Variants in ST6GALNAC3 observed in about 807,000 individuals in gnomAD.
ST6GALNAC3 encodes the protein alpha-N-acetylgalactosaminide alpha-2,6-sialyltransferase 3.
A neutral mutation model predicts 32.7 loss-of-function variants in ST6GALNAC3; 25 were observed. That is an observed-to-expected ratio of 0.76 (90% confidence interval 0.56 to 1.07). The LOEUF is 1.07. Ranked by LOEUF, ST6GALNAC3 falls within the 50% of genes least tolerant of loss-of-function variation. The probability of loss-of-function intolerance (pLI) is 0.00; values close to 1 mark genes in which losing one functional copy is unlikely to be tolerated. For missense variants in ST6GALNAC3, 355 were observed against 382.4 expected (o/e 0.93, Z 0.60); for synonymous variants, 129 against 133.1 (o/e 0.97, Z 0.21).
At chr1:76,516,984 C>A (rs1318962619) in intron 3 of ST6GALNAC3, among the ~76,000 whole-genome samples, 1 of 151,776 alleles carries the variant, frequency 6.6e-6, no homozygotes, top group Non-Finnish European at 1.5e-5. Context: ...AAAATTTTTT[C>A]TAAGTCCTTT....
At chr1:76,154,330 C>T (rs1426807352) in intron 1 of ST6GALNAC3, among the ~76,000 whole-genome samples, 2 of 152,158 alleles carry the variant, frequency 1.3e-5, no homozygotes, top group African/African-American at 4.8e-5. Flanking sequence ...ACTCTTAAAG[C>T]AATCGTACTG....
Position 76,225,569 on chromosome 1 carries a change from G to T in ST6GALNAC3, c.19-88236G>T, listed in dbSNP as rs184125219. Among the ~76,000 whole-genome samples the T allele has an allele frequency of 2.0e-5, 3 of 152,240 alleles. No homozygotes were observed. The East Asian group carries it at 5.8e-4, about 29-fold the overall frequency. ...GGCCACCAAAGGGAACGTTTTCTGTGTTACTGTTTATTCAGGAGCTGGCTT... is the reference window on the plus strand; with the variant it reads ...GGCCACCAAAGGGAACGTTTTCTGTTTTACTGTTTATTCAGGAGCTGGCTT... On this transcript the variant is annotated intron_variant, in intron 1 of 4. Coordinates refer to ENST00000328299, the MANE Select transcript of ST6GALNAC3 (RefSeq NM_152996.4).
intron 1 of ST6GALNAC3, among the ~76,000 whole-genome samples, chr1:76,262,734 T>C (rs767424506): frequency 5.9e-5 from 9 of 152,134 alleles, no homozygotes; most frequent in Non-Finnish European, 1.2e-4. Flanking sequence ...TAGACCTTCA[T>C]CCAATCACTT....
chr1:76,085,415 GCCT>G (rs1457684732), intron 1 of ST6GALNAC3, among the ~76,000 whole-genome samples: 1 of 152,194 alleles, frequency 6.6e-6, no homozygotes, highest in East Asian at 1.9e-4. Context: ...CAGGCCTCAT[GCCT>G]CACACTCTGA....
chr1:76,512,705 C>T (rs962697746), intron 3 of ST6GALNAC3, among the ~76,000 whole-genome samples: 1 of 152,102 alleles, frequency 6.6e-6, no homozygotes, highest in African/African-American at 2.4e-5. Context: ...GTTGACCAGC[C>T]TCTCTCTATC....
intron 2 of ST6GALNAC3, among the ~76,000 whole-genome samples, chr1:76,392,200 G>C (rs1012030924): frequency 2.0e-5 from 3 of 152,150 alleles, no homozygotes; most frequent in Non-Finnish European, 4.4e-5. Flanking sequence ...CCTGGTGAGA[G>C]CTGCTTTTTT....
chr1:76,267,203 A>G (rs1285785415), intron 1 of ST6GALNAC3, among the ~76,000 whole-genome samples: 3 of 152,144 alleles, frequency 2.0e-5, no homozygotes, highest in Admixed American at 6.6e-5. Flanking sequence ...ATGAATCTCA[A>G]TATACAACCC....
intron 1 of ST6GALNAC3, among the ~76,000 whole-genome samples, chr1:76,110,153 C>G (rs899013233): frequency 3.3e-5 from 5 of 152,188 alleles, no homozygotes; most frequent in African/African-American, 1.2e-4. Flanking sequence ...TTCTTTCAGC[C>G]CTCCACATAT....
chr1:76,488,478 G>A (rs917537118), intron 3 of ST6GALNAC3, among the ~76,000 whole-genome samples: 7 of 152,120 alleles, frequency 4.6e-5, no homozygotes, highest in African/African-American at 1.7e-4. Context: ...TTTCTTTACA[G>A]CAATGCAAAA....
chr1:76,581,350 A>G (rs1570357159), intron 3 of ST6GALNAC3, among the ~76,000 whole-genome samples: 2 of 152,108 alleles, frequency 1.3e-5, no homozygotes, highest in Non-Finnish European at 2.9e-5. Flanking sequence ...AGTGTTTCAT[A>G]ATCTATCTGG....
At chr1:76,583,347 A>G (rs912293584) in intron 3 of ST6GALNAC3, among the ~76,000 whole-genome samples, 3 of 152,242 alleles carry the variant, frequency 2.0e-5, no homozygotes, top group African/African-American at 7.2e-5. Context: ...AATGAAACCC[A>G]GGAAGAATAT....
rs1327832763 is a variant in ST6GALNAC3 at position 76,633,272 on chromosome 1, A to C, written c.*4466A>C. 1 of 152,208 alleles carries C rather than the reference A, an allele frequency of 6.6e-6. No individual in the cohort carries two copies. Among genetic ancestry groups the C allele is most frequent in the African/African-American group, 2.4e-5 (1 of 41,450 alleles). The allele number at this position is 152,208 out of a possible 1,614,324, so 9.4% of individuals were successfully genotyped here. On this transcript the variant is annotated 3_prime_UTR_variant, in exon 5 of 5. Transcript: ENST00000328299. ...AAAAAGAATGCCTAACTGATTTACT[A>C]AAGAGTCTATTCATGGAATCCAAGG...
intron 2 of ST6GALNAC3, among the ~76,000 whole-genome samples, chr1:76,346,576 T>G (rs1648534420): frequency 1.3e-5 from 2 of 152,244 alleles, no homozygotes; most frequent in Non-Finnish European, 2.9e-5. Flanking sequence ...AAGCTTGACC[T>G]GTACGATTTA....
chr1:76,548,783 C>G (rs1028067252), intron 3 of ST6GALNAC3, among the ~76,000 whole-genome samples: 2 of 152,252 alleles, frequency 1.3e-5, no homozygotes, highest in South Asian at 2.1e-4. Flanking sequence ...TCTCCTACCC[C>G]CCATTTACCC....
intron 1 of ST6GALNAC3, among the ~76,000 whole-genome samples, chr1:76,191,657 A>G (rs980835080): frequency 2.6e-5 from 4 of 152,138 alleles, no homozygotes; most frequent in Non-Finnish European, 5.9e-5. Flanking sequence ...GTAAAATTAC[A>G]ATGTGTCAAC....
chr1:76,251,393 A>G (rs1657607804), intron 1 of ST6GALNAC3, among the ~76,000 whole-genome samples: 1 of 152,136 alleles, frequency 6.6e-6, no homozygotes, highest in Non-Finnish European at 1.5e-5. Flanking sequence ...ATCTTCAGTT[A>G]TTCTTCAGTG....
At position 76,201,384 on chromosome 1, in the gene ST6GALNAC3, G is replaced by A. The variant is rs114848896; in HGVS notation, c.19-112421G>A. On this transcript the variant is annotated intron_variant, in intron 1 of 4. Transcript: ENST00000328299. The stretch of plus-strand genomic sequence containing the variant: ...TGTGAGACTTACTCACTATCAATGA[G>A]AACAGCATGGGAAAAATCCACCCCC... Among the ~76,000 whole-genome samples the A allele has an allele frequency of 1.5e-3, 226 of 152,290 alleles. 1 individual carries two copies. Among genetic ancestry groups the A allele is most frequent in the Middle Eastern group, 0.014 (4 of 294 alleles).
chr1:76,603,355 T>C (rs1436096369), intron 3 of ST6GALNAC3, among the ~76,000 whole-genome samples: 2 of 152,200 alleles, frequency 1.3e-5, no homozygotes, highest in East Asian at 3.8e-4. Flanking sequence ...TAAATTGTTA[T>C]GAATGCATAA....
chr1:76,381,041 A>G (rs1651663911), intron 2 of ST6GALNAC3, among the ~76,000 whole-genome samples: 1 of 151,998 alleles, frequency 6.6e-6, no homozygotes, highest in Non-Finnish European at 1.5e-5. Context: ...GTCATCTACC[A>G]TCTGTTTATC....
Sources: allele counts gnomAD v4.1 joint callset (sites outside exome capture counted in the v4.1 genomes callset), GRCh38; gene constraint gnomAD v4.1.1; transcripts MANE v1.5; gene names NCBI Gene and HGNC (gene_info 2026-07-23, HGNC 2026-07-21).